TMEFF2: variants seen among roughly 807,000 people sequenced by gnomAD.
TMEFF2 encodes tomoregulin-2.
TMEFF2 carries 28 observed loss-of-function variants against 53.8 expected under a neutral mutation model. The observed-to-expected ratio is 0.52, with a 90% confidence interval of 0.39 to 0.71. The LOEUF is 0.71. TMEFF2 is among the 30% of genes least tolerant of loss of function. The probability of loss-of-function intolerance (pLI) is 0.00; values close to 1 mark genes in which losing one functional copy is unlikely to be tolerated. For missense variants in TMEFF2, 353 were observed against 455.2 expected, an observed-to-expected ratio of 0.78 and a Z score of 2.04; for synonymous variants, 162 against 166.3, an observed-to-expected ratio of 0.97 and a Z score of 0.20.
At chr2:191,956,562 G>A (rs1333027790) in intron 7 of TMEFF2, among the ~76,000 whole-genome samples, 184 bp from the exon 8 acceptor site, 3 of 152,144 alleles carry the variant, frequency 2.0e-5, no homozygotes, top group African/African-American at 7.2e-5. Flanking sequence ...GTTTAGAGAT[G>A]AAATTTGCAA....
chr2:192,094,847 A>G (rs1688867588), intron 4 of TMEFF2, among the ~76,000 whole-genome samples: 1 of 152,194 alleles, frequency 6.6e-6, no homozygotes, highest in African/African-American at 2.4e-5. Context: ...TGCAAAGGGC[A>G]TGATAATCAA....
chr2:192,140,212 C>T (rs1690104212), intron 4 of TMEFF2, among the ~76,000 whole-genome samples: 1 of 152,128 alleles, frequency 6.6e-6, no homozygotes, highest in Non-Finnish European at 1.5e-5. Flanking sequence ...CAATTATACA[C>T]ATTGAGGACA....
At chr2:192,131,562 A>G (rs1363806522) in intron 4 of TMEFF2, among the ~76,000 whole-genome samples, 1 of 151,140 alleles carries the variant, frequency 6.6e-6, no homozygotes, top group East Asian at 2.0e-4. Context: ...CCACACCCCA[A>G]CCTCTTATCT....
intron 4 of TMEFF2, among the ~76,000 whole-genome samples, chr2:192,147,350 C>CT (rs1690277500): frequency 6.6e-6 from 1 of 151,722 alleles, no homozygotes; most frequent in Non-Finnish European, 1.5e-5. Context: ...TTTTATTATA[C>CT]TTTAAGTTTT....
chr2:191,954,608 A>G (rs1309435772), intron 8 of TMEFF2, among the ~76,000 whole-genome samples: 1 of 152,218 alleles, frequency 6.6e-6, no homozygotes, highest in Non-Finnish European at 1.5e-5. Context: ...CATTGTCAGA[A>G]TAAATGTTGA....
intron 4 of TMEFF2, among the ~76,000 whole-genome samples, chr2:192,127,677 T>C (rs1049820930): frequency 3.2e-3 from 6 of 1,900 alleles, no homozygotes; most frequent in Non-Finnish European, 0.036. Flanking sequence ...AGTACAATTA[T>C]GTAACTGTTT....
intron 4 of TMEFF2, among the ~76,000 whole-genome samples, chr2:192,135,308 G>C (rs1226905127): frequency 2.6e-5 from 4 of 152,120 alleles, no homozygotes; most frequent in Non-Finnish European, 5.9e-5. Context: ...GCAGGACTAT[G>C]CTGAATCTCC....
At chr2:192,053,407 A>C (rs1001212554) in intron 5 of TMEFF2, among the ~76,000 whole-genome samples, 1 of 152,226 alleles carries the variant, frequency 6.6e-6, no homozygotes, top group African/African-American at 2.4e-5. Flanking sequence ...AACTAGATTT[A>C]ACCCAGTGGG....
rs138890241 is a variant in TMEFF2, at chr2:192,173,959, T to C, written c.439+5709A>G. Among the ~76,000 whole-genome samples, 433 of 151,956 alleles carry C rather than the reference T, an allele frequency of 2.8e-3. 3 individuals are homozygous for C. The highest frequency in any genetic ancestry group is 9.9e-3 in the African/African-American group (412 of 41,526). On this transcript the variant is annotated intron_variant, in intron 4 of 9. Transcript: ENST00000272771. ...ATTCTTTTAATTTCATTTTGAATTT[T>C]TTGGAGTTCAAAGTTATTTGCATTA...
At chr2:192,034,038 G>A (rs1026047517) in intron 5 of TMEFF2, among the ~76,000 whole-genome samples, 10 of 152,120 alleles carry the variant, frequency 6.6e-5, no homozygotes, top group South Asian at 6.2e-4. Context: ...AGCCGGGCGT[G>A]GTGGCAAGCG....
chr2:192,152,001 G>A (rs1216980054), intron 4 of TMEFF2, among the ~76,000 whole-genome samples: 1 of 151,814 alleles, frequency 6.6e-6, no homozygotes, highest in Non-Finnish European at 1.5e-5. Context: ...GAGTGGTTGG[G>A]GAAGTATTCA....
At chr2:191,973,066 A>T (rs1438006434) in intron 7 of TMEFF2, among the ~76,000 whole-genome samples, 1 of 152,186 alleles carries the variant, frequency 6.6e-6, no homozygotes, top group Non-Finnish European at 1.5e-5. Flanking sequence ...GAATTTGGGG[A>T]TGTAAATTTA....
At chr2:192,159,149 C>T (rs528064726) in intron 4 of TMEFF2, among the ~76,000 whole-genome samples, 6 of 152,218 alleles carry the variant, frequency 3.9e-5, no homozygotes, top group East Asian at 1.9e-4. Flanking sequence ...TCTTATTTGT[C>T]AACAAATGCT....
intron 4 of TMEFF2, among the ~76,000 whole-genome samples, chr2:192,105,283 C>G (rs1035712620): frequency 2.0e-5 from 3 of 151,752 alleles, no homozygotes; most frequent in Non-Finnish European, 4.4e-5. Context: ...TCACATTTCC[C>G]CCTTATGTAA....
intron 7 of TMEFF2, among the ~76,000 whole-genome samples, chr2:191,996,198 CAT>C (rs1686217627): frequency 6.6e-6 from 1 of 151,830 alleles, no homozygotes; most frequent in African/African-American, 2.4e-5. Flanking sequence ...TAGAATCTCT[CAT>C]GATATTTATT....
intron 7 of TMEFF2, among the ~76,000 whole-genome samples, chr2:191,982,504 C>CAAAAAA (rs10678696): frequency 7.2e-6 from 1 of 138,662 alleles, no homozygotes; most frequent in Non-Finnish European, 1.5e-5. Flanking sequence ...TGAAAACAGG[C>CAAAAAA]AAAAAAAAAA....
intron 4 of TMEFF2, among the ~76,000 whole-genome samples, chr2:192,167,486 T>G (rs1690797645): frequency 6.6e-6 from 1 of 152,186 alleles, no homozygotes; most frequent in South Asian, 2.1e-4. Context: ...TTTTTTTCCC[T>G]TACTTAAACA....
rs1057150226 is a variant in TMEFF2 at position 191,956,819 on chromosome 2, T to C, written c.746-441A>G. 5.9e-5 allele frequency among the ~76,000 whole-genome samples: 9 copies of C among 152,350 alleles called. No homozygotes were observed. The East Asian group carries it at 1.7e-3, about 29-fold the overall frequency. On this transcript the variant is annotated intron_variant, in intron 7 of 9. Transcript: ENST00000272771. ...AAGCTTAAAAGTTAAAATATGGCCG[T>C]GTTCAATTGTTAAACACACATTTTC... is the stretch of plus-strand genomic sequence containing the variant.
intron 4 of TMEFF2, among the ~76,000 whole-genome samples, chr2:192,172,039 C>G (rs535281714): frequency 6.6e-6 from 1 of 152,062 alleles, no homozygotes; most frequent in East Asian, 1.9e-4. Context: ...CAGGTCCAGT[C>G]TGCAGCTGAA....
Sources: allele counts gnomAD v4.1 joint callset (sites outside exome capture counted in the v4.1 genomes callset), GRCh38; gene constraint gnomAD v4.1.1; transcripts MANE v1.5; gene names NCBI Gene and HGNC (gene_info 2026-07-23, HGNC 2026-07-21).